Variants in ALAS1 observed in about 807,000 individuals in gnomAD.
ALAS1 encodes 5'-aminolevulinate synthase 1.
ALAS1 carries 29 observed loss-of-function variants against 59.6 expected under a neutral mutation model. That is an observed-to-expected ratio of 0.49 (90% confidence interval 0.36 to 0.66). The LOEUF (loss-of-function observed/expected upper bound fraction) is 0.66, where lower values mean the gene tolerates loss of function less well. Ranked by LOEUF, ALAS1 falls within the 30% of genes least tolerant of loss-of-function variation. The probability of loss-of-function intolerance (pLI) is 0.00; values close to 1 mark genes in which losing one functional copy is unlikely to be tolerated. For synonymous variants in ALAS1, 299 were observed against 296.6 expected (o/e 1.01, Z -0.08); for missense variants, 690 against 807.5 (o/e 0.85, Z 1.76).
chr3:52,200,138 A>AC (rs1699158773), intron 3 of ALAS1, among the ~76,000 whole-genome samples: 1 of 150,456 alleles, frequency 6.6e-6, no homozygotes, highest in Admixed American at 6.6e-5. Context: ...TAAAGTAGTG[A>AC]TTTTTTTTTT....
Position 52,214,120 on chromosome 3 carries a change from G to A in ALAS1, c.1863G>A (p.Met621Ile). Residue 621 changes from methionine (M) to isoleucine (I), a missense_variant, in exon 12 of 12, where the codon ATG (methionine) becomes ATA (isoleucine). Physicochemically the swap from Met to Ile is conservative, Grantham distance 10 (BLOSUM62 1). Coordinates refer to ENST00000484952, the MANE Select transcript of ALAS1 (RefSeq NM_000688.6). ...FCRRPLHFEVMSEREKSYFSG... is the reference protein window; with the variant it reads ...FCRRPLHFEVISEREKSYFSG... ...GGAGGCCACTGCATTTTGAAGTGATGAGTGAAAGAGAGAAGTCCTATTTCT... is the reference window on the plus strand; with the variant it reads ...GGAGGCCACTGCATTTTGAAGTGATAAGTGAAAGAGAGAAGTCCTATTTCT... The A allele has an allele frequency of 6.2e-7, 1 of 1,613,890 alleles. No individual in the cohort carries two copies. The highest frequency in any genetic ancestry group is 8.5e-7 in the Non-Finnish European group (1 of 1,179,750).
In ALAS1 at chr3:52,202,597, T is replaced by C. The variant is rs1699210276; in HGVS notation, c.290T>C (p.Leu97Ser). 6.2e-7 allele frequency: 1 copy of C among 1,614,174 alleles called. No individual in the cohort carries two copies. The highest frequency in any genetic ancestry group is 1.3e-5 in the African/African-American group (1 of 75,046). Residue 97 changes from leucine to serine, a missense_variant, in exon 4 of 12, where the codon TTG (leucine) becomes TCG (serine). Physicochemically the swap from Leu to Ser is moderately radical, Grantham distance 145 (BLOSUM62 -2). Transcript: ENST00000484952. The stretch of plus-strand genomic sequence containing the variant: ...ACACAGCTTCCGTCTGGACACCCCT[T>C]GCCTGCCACAAGCCAGGGCACTGCA... ...DGTQLPSGHPLPATSQGTASK... is the reference protein window; with the variant it reads ...DGTQLPSGHPSPATSQGTASK...
intron 4 of ALAS1, 55 bp downstream of exon 4, chr3:52,202,789 T>C (rs921613299): frequency 2.6e-6 from 4 of 1,539,826 alleles, no homozygotes; most frequent in African/African-American, 2.7e-5. Context: ...TTTAGTTCTT[T>C]TGGGCCCTCA....
rs547218507 is a variant in ALAS1 at position 52,207,975 on chromosome 3, T to C, written c.1166-108T>C. The C allele has an allele frequency of 1.7e-5, 20 of 1,153,590 alleles. No individual in the cohort carries two copies. In the African/African-American group the frequency reaches 2.2e-4, roughly 13 times the overall value. The allele number at this position is 1,153,590 out of a possible 1,614,324, so 71.5% of individuals were successfully genotyped here. A position where few individuals can be genotyped will look rare whatever the true frequency, so the allele number is the denominator to read the frequency against. On this transcript the variant is annotated intron_variant, in intron 8 of 11. Coordinates refer to ENST00000484952, the MANE Select transcript of ALAS1 (RefSeq NM_000688.6). ...GAGGAAGTTCATTTTCTTTCCAATA[T>C]TGAAAATGATACCTTAGAATAGAAG... is the stretch of plus-strand genomic sequence containing the variant.
intron 1 of ALAS1, 77 bp from the exon 2 acceptor site, chr3:52,198,595 G>T (rs1389711859): frequency 6.7e-6 from 4 of 592,596 alleles, no homozygotes; most frequent in Non-Finnish European, 1.2e-5. Context: ...GACTTTATAA[G>T]CCCCTGCGCG....
At chr3:52,201,256 C>T (rs1226963729) in intron 3 of ALAS1, among the ~76,000 whole-genome samples, 1 of 152,150 alleles carries the variant, frequency 6.6e-6, no homozygotes, top group Non-Finnish European at 1.5e-5. Context: ...TAATTACCAG[C>T]CAACGGTGTT....
intron 4 of ALAS1, 103 bp from the exon 5 acceptor site, chr3:52,203,760 T>C (rs574375069): frequency 7.3e-7 from 1 of 1,372,926 alleles, no homozygotes; most frequent in Admixed American, 2.6e-5. Flanking sequence ...TTGGCCTTTT[T>C]TGTGAACTAG....
intron 11 of ALAS1, 117 bp downstream of exon 11, chr3:52,212,537 G>GTT (rs530365868): frequency 1.6e-4 from 198 of 1,213,382 alleles, no homozygotes; most frequent in Non-Finnish European, 1.9e-4. Context: ...TCTTTTTTTA[G>GTT]TTTTTTTTTT....
In ALAS1 at chr3:52,199,215, C is replaced by T. The variant is rs143432678; in HGVS notation, c.-27C>T. 3,065 of 1,614,100 alleles carry T rather than the reference C, an allele frequency of 1.9e-3. 4 individuals are homozygous for T. Among genetic ancestry groups the T allele is most frequent in the Admixed American group, 3.6e-3 (217 of 60,010 alleles). On this transcript the variant is annotated 5_prime_UTR_variant, in exon 3 of 12. Coordinates refer to ENST00000484952, the MANE Select transcript of ALAS1 (RefSeq NM_000688.6). ...TTGATGTCACTCTTCATCAGTCTTT[C>T]CACAGGAGCCAGCATACTTCCTGAA... is the stretch of plus-strand genomic sequence containing the variant.
At chr3:52,211,851 A>G (rs971851900) in intron 10 of ALAS1, among the ~76,000 whole-genome samples, 2 of 152,208 alleles carry the variant, frequency 1.3e-5, no homozygotes, top group Non-Finnish European at 2.9e-5. Context: ...GCTTTGAAGT[A>G]TGGCTTTCTA....
chr3:52,211,495 C>T lies in ALAS1; in HGVS notation c.1543C>T (p.Leu515=), dbSNP rs1699407345. The change falls in exon 10 of 12, where the codon CTA becomes TTA. Residue 515 remains leucine (L), a synonymous_variant. Transcript: ENST00000484952. ...QRNVKLMRQM[L]MDAGLPVVHC... is the part of the protein sequence containing the mutation. Reference sequence around the variant, plus strand: ...CAACGTCAAACTCATGAGACAGATGCTAATGGATGCCGGCCTCCCTGTTGT... The same window carrying T: ...CAACGTCAAACTCATGAGACAGATGTTAATGGATGCCGGCCTCCCTGTTGT... 3 of 1,614,266 alleles carry T rather than the reference C, an allele frequency of 1.9e-6. No homozygotes were observed. Among genetic ancestry groups the T allele is most frequent in the Middle Eastern group, 3.3e-4 (2 of 6,062 alleles).
At position 52,203,104 on chromosome 3, in the gene ALAS1, C is replaced by T. The variant is rs369138885; in HGVS notation, c.427+370C>T. On this transcript the variant is annotated intron_variant, in intron 4 of 11. Transcript: ENST00000484952. Reference sequence around the variant, plus strand: ...AGTGCTGGTCCTAGGGCTCCCAAGCCGTGTGTCTTACTGATGGTCATTGAA... The same window carrying T: ...AGTGCTGGTCCTAGGGCTCCCAAGCTGTGTGTCTTACTGATGGTCATTGAA... 9.7e-4 allele frequency among the ~76,000 whole-genome samples: 147 copies of T among 152,276 alleles called. 2 individuals carry two copies. The South Asian group carries it at 0.03, about 31-fold the overall frequency.
intron 3 of ALAS1, among the ~76,000 whole-genome samples, chr3:52,201,673 A>T (rs1418658189): frequency 2.0e-5 from 3 of 152,184 alleles, no homozygotes. Flanking sequence ...TGAGAGGATC[A>T]CTTGAGCCTG....
chr3:52,200,026 G>A (rs916740495), intron 3 of ALAS1, among the ~76,000 whole-genome samples: 6 of 152,142 alleles, frequency 3.9e-5, no homozygotes, highest in African/African-American at 7.2e-5. Flanking sequence ...TTGTTGGTCC[G>A]GCTGGTCTCA....
chr3:52,198,139 G>A (rs1375560094), upstream of ALAS1: 7 of 398,268 alleles, frequency 1.8e-5, no homozygotes, highest in East Asian at 3.6e-5. Context: ...TGTATATTAA[G>A]GCGCCGGCGA....
intron 4 of ALAS1, among the ~76,000 whole-genome samples, chr3:52,203,483 A>G (rs980253102): frequency 1.3e-5 from 2 of 151,940 alleles, no homozygotes; most frequent in Admixed American, 6.6e-5. Flanking sequence ...AGAGGTTGCA[A>G]TGAGTCGAGA....
intron 3 of ALAS1, 73 bp downstream of exon 3, chr3:52,199,513 A>G (rs985224441): frequency 7.1e-7 from 1 of 1,412,350 alleles, no homozygotes; most frequent in Non-Finnish European, 9.8e-7. Flanking sequence ...CAGTCCCCAC[A>G]GTGGTGGTGA....
At chr3:52,212,925 G>C (rs1312349041) in intron 11 of ALAS1, among the ~76,000 whole-genome samples, 1 of 152,178 alleles carries the variant, frequency 6.6e-6, no homozygotes, top group East Asian at 1.9e-4. Flanking sequence ...AGGGTGGAGA[G>C]TCATTTTGGG....
rs769576350 is a variant in ALAS1, at chr3:52,212,279, A to G, written c.1621A>G (p.Thr541Ala). Residue 541 changes from threonine to alanine, a missense_variant, in exon 11 of 12, where the codon ACA (threonine) becomes GCA (alanine). Thr to Ala is a moderately conservative substitution (Grantham distance 58). Coordinates refer to ENST00000484952, the MANE Select transcript of ALAS1 (RefSeq NM_000688.6). ...TTAGGTTGCAGATGCTGCTAAAAAC[A>G]CAGAAGTCTGTGATGAACTAATGAG... ...PVRVADAAKN[T>A]EVCDELMSRH... 5 of 1,613,968 alleles carry G rather than the reference A, an allele frequency of 3.1e-6. No homozygotes were observed. The highest frequency in any genetic ancestry group is 4.2e-6 in the Non-Finnish European group (5 of 1,179,960).
Sources: allele counts gnomAD v4.1 joint callset (sites outside exome capture counted in the v4.1 genomes callset), GRCh38; gene constraint gnomAD v4.1.1; transcripts MANE v1.5; gene names NCBI Gene and HGNC (gene_info 2026-07-23, HGNC 2026-07-21).